FHIT: variants seen among roughly 807,000 people sequenced by gnomAD.
FHIT encodes the protein fragile histidine triad diadenosine triphosphatase.
In FHIT, 19 loss-of-function variants were observed where a neutral mutation model predicts 17.9. The observed-to-expected ratio is 1.06, with a 90% CI of 0.74 to 1.56. The LOEUF is 1.56. FHIT is among the 40% of genes most tolerant of loss of function. The pLI, the probability that FHIT is intolerant of heterozygous loss-of-function variation, is 0.00. For synonymous variants in FHIT, 81 were observed against 69.7 expected (o/e 1.16, Z -0.81); for missense variants, 248 against 189.2 (o/e 1.31, Z -1.82).
chr3:60,287,229 C>T (rs1001659337), intron 5 of FHIT, among the ~76,000 whole-genome samples: 1 of 152,100 alleles, frequency 6.6e-6, no homozygotes, highest in Non-Finnish European at 1.5e-5. Flanking sequence ...AGTGCAGTGG[C>T]AAGATCTTGC....
At chr3:60,172,166 G>C (rs1701449099) in intron 5 of FHIT, among the ~76,000 whole-genome samples, 2 of 152,196 alleles carry the variant, frequency 1.3e-5, no homozygotes, top group African/African-American at 4.8e-5. Context: ...GAATGAAACT[G>C]AGCTCAGGAA....
chr3:60,783,109 AAGT>A (rs1306800404), intron 4 of FHIT, among the ~76,000 whole-genome samples: 1 of 151,880 alleles, frequency 6.6e-6, no homozygotes, highest in Non-Finnish European at 1.5e-5. Context: ...TCAGCCTCCT[AAGT>A]AGCTGGAACT....
In FHIT at chr3:60,040,139, CTTTT is replaced by C. The variant is rs542945014; in HGVS notation, c.104-25991_104-25988del. Among the ~76,000 whole-genome samples, 24 of 142,876 alleles carry C rather than the reference CTTTT, an allele frequency of 1.7e-4. 1 individual carries two copies. In the South Asian group the frequency reaches 3.6e-3, roughly 21 times the overall value. The allele number at this position is 142,876 out of a possible 152,430, so 93.7% of individuals were successfully genotyped here. On this transcript the variant is annotated intron_variant, in intron 5 of 9. Transcript: ENST00000492590. ...CACCTAATGAATAATTTCCTTCTTT[CTTTT>C]TATTTATTTATTTATTTTTTTGAGA...
At chr3:59,947,663 A>C (rs1223672010) in intron 7 of FHIT, among the ~76,000 whole-genome samples, 1 of 152,124 alleles carries the variant, frequency 6.6e-6, no homozygotes, top group East Asian at 1.9e-4. Context: ...GGCTGGTACC[A>C]GTCCCCCAGC....
intron 2 of FHIT, among the ~76,000 whole-genome samples, chr3:61,054,252 G>T (rs2034134529): frequency 6.6e-6 from 1 of 152,196 alleles, no homozygotes; most frequent in Non-Finnish European, 1.5e-5. Flanking sequence ...TGGAGGTTGT[G>T]CTAATAAATT....
chr3:59,898,442 TTGTGTGTGTGTGTG>T (rs3075168), intron 8 of FHIT, among the ~76,000 whole-genome samples: 3,088 of 145,932 alleles, frequency 0.021, 121 homozygotes, highest in African/African-American at 0.072. Context: ...GTGTGTATGT[TTGTGTGTGTGTGTG>T]TGTGTGTGTG....
intron 5 of FHIT, among the ~76,000 whole-genome samples, chr3:60,045,707 A>G (rs1701625632): frequency 6.6e-6 from 1 of 152,190 alleles, no homozygotes; most frequent in Non-Finnish European, 1.5e-5. Flanking sequence ...ATGGAAACAA[A>G]TGGATTGATC....
At chr3:60,981,492 G>A (rs1036701815) in intron 3 of FHIT, among the ~76,000 whole-genome samples, 5 of 151,626 alleles carry the variant, frequency 3.3e-5, no homozygotes, top group South Asian at 2.1e-4. Flanking sequence ...ATATATTTTC[G>A]TAGAGATGGG....
chr3:59,952,551 A>G (rs953302420), intron 7 of FHIT, among the ~76,000 whole-genome samples: 4 of 152,060 alleles, frequency 2.6e-5, no homozygotes, highest in African/African-American at 7.2e-5. Context: ...TGGTCTCACC[A>G]TAGAGTCTAT....
intron 7 of FHIT, among the ~76,000 whole-genome samples, chr3:59,981,722 G>GAA (rs1007181022): frequency 2.7e-4 from 41 of 152,058 alleles, no homozygotes; most frequent in African/African-American, 9.6e-4. Context: ...GTCAAATAGA[G>GAA]AAGTTAAACA....
chr3:60,389,828 TCTC>T (rs1243104638), intron 5 of FHIT, among the ~76,000 whole-genome samples: 1 of 152,158 alleles, frequency 6.6e-6, no homozygotes, highest in Non-Finnish European at 1.5e-5. Flanking sequence ...CTAACTGTCA[TCTC>T]CTTGTATCTT....
At chr3:60,574,529 A>T (rs2037500406) in intron 4 of FHIT, among the ~76,000 whole-genome samples, 1 of 151,926 alleles carries the variant, frequency 6.6e-6, no homozygotes, top group Admixed American at 6.6e-5. Context: ...ACTGAAAGGG[A>T]TATATTGTGG....
chr3:59,807,044 C>T (rs924191856), intron 8 of FHIT, among the ~76,000 whole-genome samples: 1 of 152,138 alleles, frequency 6.6e-6, no homozygotes, highest in Non-Finnish European at 1.5e-5. Context: ...TAGTATGGGA[C>T]TCTGGCTGTG....
intron 7 of FHIT, among the ~76,000 whole-genome samples, chr3:60,003,588 T>C (rs666445): frequency 6.6e-6 from 1 of 151,956 alleles, no homozygotes; most frequent in South Asian, 2.1e-4. Flanking sequence ...CTATTAAAAA[T>C]ACAAATAATA....
chr3:59,802,549 C>A (rs563560228), intron 8 of FHIT, among the ~76,000 whole-genome samples: 5 of 152,240 alleles, frequency 3.3e-5, no homozygotes, highest in African/African-American at 1.2e-4. Flanking sequence ...CCCGCCCCTG[C>A]CCACCAGAGA....
intron 5 of FHIT, among the ~76,000 whole-genome samples, chr3:60,518,840 C>T (rs2035254737): frequency 6.6e-6 from 1 of 152,108 alleles, no homozygotes; most frequent in Admixed American, 6.5e-5. Context: ...GAAACTTCGT[C>T]TCTACTAAAA....
rs149869054 is a variant in FHIT, at chr3:60,772,383, C to T, written c.-18+49536G>A. ...GACATCATAGAGGCATAATCAAAAT[C>T]TGAGTAGGTAAAGTCACTAACCAGA... On this transcript the variant is annotated intron_variant, in intron 4 of 9. Coordinates refer to ENST00000492590, the MANE Select transcript of FHIT (RefSeq NM_002012.4). Among the ~76,000 whole-genome samples the T allele has an allele frequency of 3.3e-4, 48 of 146,804 alleles. No individual in the cohort carries two copies. The East Asian group carries it at 7.2e-3, about 22-fold the overall frequency.
At chr3:60,183,511 T>C (rs1287286951) in intron 5 of FHIT, among the ~76,000 whole-genome samples, 1 of 152,226 alleles carries the variant, frequency 6.6e-6, no homozygotes, top group Non-Finnish European at 1.5e-5. Context: ...CAAGTTTGAC[T>C]GACAGTGTCC....
chr3:61,001,428 T>C (rs1339776605), intron 3 of FHIT, among the ~76,000 whole-genome samples: 1 of 152,192 alleles, frequency 6.6e-6, no homozygotes, highest in Non-Finnish European at 1.5e-5. Flanking sequence ...CAATGGATAA[T>C]GGTCAAACAA....
Sources: allele counts gnomAD v4.1 joint callset (sites outside exome capture counted in the v4.1 genomes callset), GRCh38; gene constraint gnomAD v4.1.1; transcripts MANE v1.5; gene names NCBI Gene and HGNC (gene_info 2026-07-23, HGNC 2026-07-21).